Variants in ZNF692 observed in about 807,000 individuals in gnomAD.
ZNF692 encodes the protein zinc finger protein 692, also known as AICAR responsive element binding protein.
In ZNF692, 41 loss-of-function variants were observed where a neutral mutation model predicts 49.0. The ratio of observed to expected loss-of-function variants is 0.84; its 90% CI spans 0.65 to 1.08. The LOEUF is 1.08. ZNF692 is among the 50% of genes least tolerant of loss of function. The pLI is 0.00. For synonymous variants in ZNF692, 288 were observed against 251.5 expected (o/e 1.15, Z -1.37); for missense variants, 662 against 662.2 (o/e 1.00, Z 0.00).
intron 3 of ZNF692, 24 bp downstream of exon 3, chr1:248,857,804 C>T: frequency 6.2e-7 from 1 of 1,612,656 alleles, no homozygotes; most frequent in Non-Finnish European, 8.5e-7. Flanking sequence ...CTCTGGCTCT[C>T]ACCCCCTGCC....
Position 248,850,228 on chromosome 1 carries a change from G to C in ZNF692, c.1542C>G (p.Thr514=), listed in dbSNP as rs577963237. The C allele has an allele frequency of 5.9e-6, 9 of 1,532,756 alleles. No homozygotes were observed. The African/African-American group carries it at 1.2e-4, about 21-fold the overall frequency. The allele number at this position is 1,532,756 out of a possible 1,614,324, so 94.9% of individuals were successfully genotyped here. Residue 514 remains threonine (T), a synonymous_variant, in exon 12 of 12, where the codon ACC becomes ACG. Coordinates refer to ENST00000306601, the MANE Select transcript of ZNF692 (RefSeq NM_017865.4). ...GGAGAGCTCATTGCTGAGGAAGCAGGGTTGGAGCCTGAGGAGATGCAGAGG... is the reference window on the plus strand; with the variant it reads ...GGAGAGCTCATTGCTGAGGAAGCAGCGTTGGAGCCTGAGGAGATGCAGAGG... ...SRPSASPQAP[T]LLPQQ
In ZNF692 at chr1:248,855,814, A is replaced by T. The variant is rs750601922; in HGVS notation, c.792T>A (p.Ser264Arg). Residue 264 changes from serine to arginine, a missense_variant, in exon 7 of 12, where the codon AGT (serine) becomes AGA (arginine). By Grantham distance (110) the Ser-to-Arg change is moderately radical. Transcript: ENST00000306601. The part of the protein sequence containing the change: ...AVPALSASSL[S>R]SRAPPPAEVR... ...CTTCTGCAGGTGGAGGAGCTCTGGA[A>T]CTCAATGAGGATGCTGACAAGGCCG... The T allele has an allele frequency of 1.2e-6, 2 of 1,614,076 alleles. No homozygotes were observed.
At chr1:248,854,149 G>A in intron 9 of ZNF692, 98 bp from the exon 10 acceptor site, 1 of 865,736 alleles carries the variant, frequency 1.2e-6, no homozygotes. Context: ...ATGCTCCTCT[G>A]TCCCCTTCCT....
At chr1:248,854,223 A>G in intron 9 of ZNF692, 172 bp from the exon 10 acceptor site, 1 of 591,232 alleles carries the variant, frequency 1.7e-6, no homozygotes, top group Non-Finnish European at 3.1e-6. Flanking sequence ...CTCAGTCCTC[A>G]CCTACACCAT....
At chr1:248,857,682 T>C in intron 3 of ZNF692, 146 bp downstream of exon 3, 1 of 1,471,076 alleles carries the variant, frequency 6.8e-7, no homozygotes, top group Non-Finnish European at 9.0e-7. Context: ...CACCCAGAGG[T>C]TGCCTCCATC....
rs759076780 is a variant in ZNF692, at chr1:248,853,927, C to T, written c.1153+10G>A. ...GGTCCCACAGAGGAAGGTGGAGTTC[C>T]ACCACTCACCACTGTGCAGCTTCAT... is the stretch of plus-strand genomic sequence containing the variant. On this transcript the variant is annotated intron_variant, in intron 10 of 11. Transcript: ENST00000306601. 5.0e-6 allele frequency: 8 copies of T among 1,606,296 alleles called. No individual in the cohort carries two copies. The Admixed American group carries it at 6.7e-5, about 13-fold the overall frequency.
At position 248,858,229 on chromosome 1, in the gene ZNF692, G is replaced by T. The variant is rs1205066567; in HGVS notation, c.81C>A (p.Cys27Ter). Reference protein sequence around the residue: ...RRQLDARRSKCRIRLGGHMEQ... With the variant: ...RRQLDARRSK The stretch of plus-strand genomic sequence containing the variant: ...CCATGTGGCCGCCCAGGCGGATGCG[G>T]CACTTGCTGCGGCGCGCGTCCAGCT... The change falls in exon 2 of 12, where the codon TGC becomes TGA. Residue 27 changes from cysteine (C) to a stop codon, truncating the protein, a stop_gained. Transcript: ENST00000306601. LOFTEE classifies it high-confidence loss of function. This position sits in a 1 kb window ranked among gnomAD's most constrained non-coding sequence, Gnocchi z 4.3. The T allele has an allele frequency of 6.3e-7, 1 of 1,590,984 alleles. No homozygotes were observed. Among genetic ancestry groups the T allele is most frequent in the Admixed American group, 1.7e-5 (1 of 58,520 alleles).
chr1:248,855,356 C>T (rs377198909), intron 9 of ZNF692, 24 bp downstream of exon 9: 65 of 1,613,194 alleles, frequency 4.0e-5, no homozygotes, highest in Middle Eastern at 1.7e-4. Flanking sequence ...AGCAGCCACA[C>T]AGGCCCCAAC....
In ZNF692 at chr1:248,850,174, G is replaced by A; in HGVS notation, c.*36C>T. ...CCTTGTTGCTCCTTTTCAGTCCCTGGAGTCTGGCTTCCCAAAGCCAAAGCT... is the reference window on the plus strand; with the variant it reads ...CCTTGTTGCTCCTTTTCAGTCCCTGAAGTCTGGCTTCCCAAAGCCAAAGCT... On this transcript the variant is annotated 3_prime_UTR_variant, in exon 12 of 12. Coordinates refer to ENST00000306601, the MANE Select transcript of ZNF692 (RefSeq NM_017865.4). 1 of 1,508,362 alleles carries A rather than the reference G, an allele frequency of 6.6e-7. No individual in the cohort carries two copies. The highest frequency in any genetic ancestry group is 8.9e-7 in the Non-Finnish European group (1 of 1,129,306). The allele number at this position is 1,508,362 out of a possible 1,614,324, so 93.4% of individuals were successfully genotyped here. A position where few individuals can be genotyped will look rare whatever the true frequency, so the allele number is the denominator to read the frequency against.
intron 10 of ZNF692, among the ~76,000 whole-genome samples, chr1:248,853,150 G>A (rs911838153): frequency 1.1e-4 from 17 of 152,064 alleles, no homozygotes; most frequent in African/African-American, 2.7e-4. Flanking sequence ...ACGGCAGCTC[G>A]TTTGGCTCCA....
chr1:248,856,329 G>A lies in ZNF692; in HGVS notation c.618C>T (p.Leu206=), dbSNP rs776360395. 2 of 1,608,908 alleles carry A rather than the reference G, an allele frequency of 1.2e-6. No homozygotes were observed. The highest frequency in any genetic ancestry group is 1.1e-5 in the South Asian group (1 of 90,112). The part of the protein sequence containing the change: ...EDNDEDEEEM[L]SDASLWTYSS... ...TGTAGGTCCATAAGCTGGCATCACT[G>A]AGCATCTCCTCTTCATCCTCATCAT... The change falls in exon 6 of 12, where the codon CTC becomes CTT. Residue 206 remains leucine, a synonymous_variant. Coordinates refer to ENST00000306601, the MANE Select transcript of ZNF692 (RefSeq NM_017865.4).
In ZNF692 at chr1:248,858,556, A is replaced by G; in HGVS notation, c.-12-235T>C. The G allele has an allele frequency of 6.4e-7, 1 of 1,551,758 alleles. No homozygotes were observed. Among genetic ancestry groups the G allele is most frequent in the Non-Finnish European group, 8.7e-7 (1 of 1,147,004 alleles). On this transcript the variant is annotated intron_variant, in intron 1 of 11. Coordinates refer to ENST00000306601, the MANE Select transcript of ZNF692 (RefSeq NM_017865.4). This position sits in a 1 kb window ranked among gnomAD's most constrained non-coding sequence, Gnocchi z 4.3. ...GGGAGGCAGGCAGACAGAAGCAGTC[A>G]GAACAAAGGCCTGCGCCCTCCAGTC...
rs1264934743 is a variant in ZNF692, at chr1:248,850,199, TGGA to T, written c.*8_*10del. ...GAGTCTGGCTTCCCAAAGCCAAAGC[TGGA>T]GGAGAGCTCATTGCTGAGGAAGCAG... On this transcript the variant is annotated 3_prime_UTR_variant, in exon 12 of 12. Coordinates refer to ENST00000306601, the MANE Select transcript of ZNF692 (RefSeq NM_017865.4). The T allele has an allele frequency of 2.6e-6, 4 of 1,512,776 alleles. No individual in the cohort carries two copies. Among genetic ancestry groups the T allele is most frequent in the Non-Finnish European group, 3.5e-6 (4 of 1,130,770 alleles). The allele number at this position is 1,512,776 out of a possible 1,614,324, so 93.7% of individuals were successfully genotyped here.
intron 4 of ZNF692, 30 bp from the exon 5 acceptor site, chr1:248,856,592 G>C (rs1236782727): frequency 5.6e-6 from 9 of 1,613,702 alleles, no homozygotes; most frequent in Non-Finnish European, 7.6e-6. Context: ...AAAAGAGAAG[G>C]AACTCTGGAC....
At chr1:248,853,066 G>C (rs757622842) in intron 10 of ZNF692, among the ~76,000 whole-genome samples, 2 of 152,122 alleles carry the variant, frequency 1.3e-5, no homozygotes, top group Non-Finnish European at 2.9e-5. Flanking sequence ...CTTCTGCCCA[G>C]TTGCTGAGGC....
chr1:248,855,861 G>A lies in ZNF692; in HGVS notation c.745C>T (p.Leu249Phe), dbSNP rs745430605. Residue 249 changes from leucine (L) to phenylalanine (F), a missense_variant, in exon 7 of 12, where the codon CTC (leucine) becomes TTC (phenylalanine). Transcript: ENST00000306601. ...EGETPPAPAA[L>F]SSPLAVPALS... is the part of the protein sequence containing the mutation. ...GCCGGCACAGCAAGAGGACTGGAGA[G>A]TGCTGCAGGGGCTGGTGGTGTCTCC... 3.1e-6 allele frequency: 5 copies of A among 1,614,108 alleles called. No homozygotes were observed. The highest frequency in any genetic ancestry group is 3.3e-5 in the Admixed American group (2 of 60,004).
chr1:248,850,759 C>T lies in ZNF692; in HGVS notation c.1176G>A (p.Glu392=). 6.2e-7 allele frequency: 1 copy of T among 1,614,126 alleles called. No individual in the cohort carries two copies. Among genetic ancestry groups the T allele is most frequent in the Non-Finnish European group, 8.5e-7 (1 of 1,180,006 alleles). Residue 392 remains glutamate (E), a synonymous_variant, in exon 11 of 12, where the codon GAG becomes GAA. Transcript: ENST00000306601. ...LHSDTRDYIC[E]FCARSFRTSS... is the part of the protein sequence containing the mutation. ...TAGTGCGGAAAGACCGGGCGCAGAACTCACAGATGTAGTCCCGGGTGTCTG... is the reference window on the plus strand; with the variant it reads ...TAGTGCGGAAAGACCGGGCGCAGAATTCACAGATGTAGTCCCGGGTGTCTG...
Position 248,858,169 on chromosome 1 carries a change from G to A in ZNF692, c.141C>T (p.Phe47=), listed in dbSNP as rs1336386176. The A allele has an allele frequency of 1.1e-5, 17 of 1,575,190 alleles. No homozygotes were observed. The highest frequency in any genetic ancestry group is 4.0e-5 in the African/African-American group (3 of 74,298). ...ACTTGGCGAGCTGCGAGTGCAGGGAGAAGCCCAGCCGCTCCTTGAGGAGGC... is the reference window on the plus strand; with the variant it reads ...ACTTGGCGAGCTGCGAGTGCAGGGAAAAGCCCAGCCGCTCCTTGAGGAGGC... ...QWCLLKERLG[F]SLHSQLAKFL... The change falls in exon 2 of 12, where the codon TTC becomes TTT. Residue 47 remains phenylalanine, a synonymous_variant. Transcript: ENST00000306601. The surrounding 1 kb of genome is among the most constrained non-coding windows in gnomAD (Gnocchi z 4.3).
At position 248,855,463 on chromosome 1, in the gene ZNF692, G is replaced by A; in HGVS notation, c.960-5C>T. The A allele has an allele frequency of 6.2e-7, 1 of 1,614,024 alleles. No homozygotes were observed. The highest frequency in any genetic ancestry group is 8.5e-7 in the Non-Finnish European group (1 of 1,179,984). On this transcript the variant is annotated splice_region_variant and splice_polypyrimidine_tract_variant and intron_variant, in intron 8 of 11. Transcript: ENST00000306601. Reference sequence around the variant, plus strand: ...AGCTCTCTTTTGGCAGCTTTCCTGAGGAGAAGAATGGAAAGGAGCAGCATG... The same window carrying A: ...AGCTCTCTTTTGGCAGCTTTCCTGAAGAGAAGAATGGAAAGGAGCAGCATG...
Sources: allele counts gnomAD v4.1 joint callset (sites outside exome capture counted in the v4.1 genomes callset), GRCh38; gene constraint gnomAD v4.1.1; non-coding constraint Gnocchi (gnomAD v3.1); transcripts MANE v1.5; gene names NCBI Gene and HGNC (gene_info 2026-07-23, HGNC 2026-07-21).